Variants in CCDC73 observed in about 807,000 individuals in gnomAD.
CCDC73 encodes coiled-coil domain-containing protein 73.
CCDC73 carries 95 observed loss-of-function variants against 116.5 expected under a neutral mutation model. That is an observed-to-expected ratio of 0.82 (90% CI 0.69 to 0.97). The LOEUF (loss-of-function observed/expected upper bound fraction) is 0.97. CCDC73 is among the 50% of genes least tolerant of loss of function. The probability of loss-of-function intolerance (pLI) is 0.00; values close to 1 mark genes in which losing one functional copy is unlikely to be tolerated. For synonymous variants in CCDC73, 398 were observed against 401.3 expected, an observed-to-expected ratio of 0.99 and a Z score of 0.10; for missense variants, 1,066 against 1,206.8, an observed-to-expected ratio of 0.88 and a Z score of 1.73.
the CCDC73 span, among the ~76,000 whole-genome samples, chr11:32,803,154 C>T: frequency 6.6e-5 from 10 of 152,064 alleles, no homozygotes; most frequent in East Asian, 3.9e-4. Flanking sequence ...AGTGCAGTGG[C>T]GTGATCTCGG....
chr11:32,737,546 A>T (rs1057415790), intron 2 of CCDC73, among the ~76,000 whole-genome samples: 2 of 151,146 alleles, frequency 1.3e-5, no homozygotes, highest in African/African-American at 4.9e-5. Flanking sequence ...TGAATCTGGG[A>T]GGCAGAGGTT....
the CCDC73 span, among the ~76,000 whole-genome samples, chr11:32,817,033 C>T: frequency 6.6e-6 from 1 of 152,190 alleles, no homozygotes; most frequent in Non-Finnish European, 1.5e-5. Flanking sequence ...GATCCGCCTG[C>T]CTCTGCCTCC....
chr11:32,688,635 G>A (rs1485354203), intron 6 of CCDC73, among the ~76,000 whole-genome samples: 5 of 152,112 alleles, frequency 3.3e-5, no homozygotes, highest in Non-Finnish European at 7.4e-5. Flanking sequence ...ATATACTATG[G>A]TAATGAGATG....
At chr11:32,805,111 G>A in the CCDC73 span, among the ~76,000 whole-genome samples, 1 of 152,262 alleles carries the variant, frequency 6.6e-6, no homozygotes, top group Middle Eastern at 3.4e-3. Flanking sequence ...CTCAAAGAAG[G>A]CTCTTCCATT....
At chr11:32,614,982 C>G in intron 15 of CCDC73, 40 bp from the exon 16 acceptor site, 1 of 1,214,298 alleles carries the variant, frequency 8.2e-7, no homozygotes, top group African/African-American at 1.5e-5. Flanking sequence ...ATATTATACA[C>G]TAAAGGCTGA....
At chr11:32,707,373 C>A (rs1849864759) in intron 3 of CCDC73, among the ~76,000 whole-genome samples, 2 of 151,356 alleles carry the variant, frequency 1.3e-5, no homozygotes, top group African/African-American at 4.9e-5. Flanking sequence ...TTCAGTGCTA[C>A]TCGAAGTTAC....
intron 2 of CCDC73, among the ~76,000 whole-genome samples, chr11:32,741,932 G>T (rs1273642085): frequency 6.6e-6 from 1 of 152,046 alleles, no homozygotes; most frequent in Non-Finnish European, 1.5e-5. Flanking sequence ...TCTTGTGATA[G>T]TTTGCTGAGA....
chr11:32,641,812 T>C (rs1273758431), intron 13 of CCDC73, among the ~76,000 whole-genome samples, 160 bp downstream of exon 13: 1 of 151,706 alleles, frequency 6.6e-6, no homozygotes, highest in Non-Finnish European at 1.5e-5. Context: ...AATTTAGCTT[T>C]TAAAAAGCAT....
At chr11:32,650,865 C>T (rs190076486) in intron 12 of CCDC73, among the ~76,000 whole-genome samples, 1 of 152,044 alleles carries the variant, frequency 6.6e-6, no homozygotes, top group Non-Finnish European at 1.5e-5. Flanking sequence ...GGGCCTGGTA[C>T]AAAATGAAAA....
chr11:32,685,831 C>T (rs1207767932), intron 6 of CCDC73, among the ~76,000 whole-genome samples: 2 of 149,254 alleles, frequency 1.3e-5, no homozygotes, highest in Non-Finnish European at 1.5e-5. Flanking sequence ...AAGCAATTCT[C>T]CTGCCTCAGC....
chr11:32,829,587 A>G, the CCDC73 span, among the ~76,000 whole-genome samples: 1 of 152,232 alleles, frequency 6.6e-6, no homozygotes, highest in Non-Finnish European at 1.5e-5. Context: ...AGGTAACCAC[A>G]GGACTCCTGG....
chr11:32,780,144 C>G (rs151179521), intron 1 of CCDC73, among the ~76,000 whole-genome samples: 174 of 152,040 alleles, frequency 1.1e-3, no homozygotes, highest in African/African-American at 4.1e-3. Flanking sequence ...TATGATGGCA[C>G]ATGCCTGTAA....
chr11:32,727,604 G>T (rs373850831), intron 2 of CCDC73, among the ~76,000 whole-genome samples: 1 of 151,648 alleles, frequency 6.6e-6, no homozygotes, highest in African/African-American at 2.4e-5. Flanking sequence ...ACGTTGTCTC[G>T]CTCTGTCCCC....
At chr11:32,641,761 G>A (rs1255452167) in intron 13 of CCDC73, among the ~76,000 whole-genome samples, 4 of 151,130 alleles carry the variant, frequency 2.6e-5, no homozygotes, top group Admixed American at 2.0e-4. Context: ...ATGTATTTGT[G>A]TGGTCTTCCA....
chr11:32,638,776 C>A (rs575145517), intron 13 of CCDC73, among the ~76,000 whole-genome samples: 4 of 151,932 alleles, frequency 2.6e-5, no homozygotes, highest in East Asian at 3.9e-4. Context: ...CGTGCCCAGC[C>A]GATTGTTCTA....
chr11:32,808,251 G>A, the CCDC73 span, among the ~76,000 whole-genome samples: 1 of 152,246 alleles, frequency 6.6e-6, no homozygotes, highest in African/African-American at 2.4e-5. Flanking sequence ...ATAACATACG[G>A]AAAAGAAGGA....
intron 9 of CCDC73, among the ~76,000 whole-genome samples, chr11:32,672,181 A>C (rs920534914): frequency 2.0e-5 from 3 of 152,252 alleles, no homozygotes; most frequent in African/African-American, 7.2e-5. Flanking sequence ...GTCTCTACTA[A>C]AAATACAAAA....
chr11:32,741,536 CT>C (rs1850186506), intron 2 of CCDC73, among the ~76,000 whole-genome samples: 1 of 151,840 alleles, frequency 6.6e-6, no homozygotes, highest in African/African-American at 2.4e-5. Flanking sequence ...CATGGAATAT[CT>C]TTTTCATCCC....
intron 6 of CCDC73, among the ~76,000 whole-genome samples, chr11:32,684,227 A>AT (rs1273038979): frequency 1.3e-5 from 2 of 151,808 alleles, no homozygotes; most frequent in Admixed American, 1.3e-4. Flanking sequence ...AATTTTTAAA[A>AT]TTTTTTCTAG....
Sources: allele counts gnomAD v4.1 joint callset (sites outside exome capture counted in the v4.1 genomes callset), GRCh38; gene constraint gnomAD v4.1.1; transcripts MANE v1.5; gene names NCBI Gene and HGNC (gene_info 2026-07-23, HGNC 2026-07-21).